USP32: variants seen among roughly 807,000 people sequenced by gnomAD.
The protein encoded by USP32 is ubiquitin carboxyl-terminal hydrolase 32.
A neutral mutation model predicts 204.8 loss-of-function variants in USP32; 59 were observed. The ratio of observed to expected loss-of-function variants is 0.29; its 90% CI spans 0.23 to 0.36. The LOEUF (loss-of-function observed/expected upper bound fraction) is 0.36. USP32 is among the 10% of genes least tolerant of loss of function. The pLI is 1.00. For synonymous variants in USP32, 517 were observed against 678.4 expected, an observed-to-expected ratio of 0.76 and a Z score of 3.70; for missense variants, 1,160 against 1,946.4, an observed-to-expected ratio of 0.60 and a Z score of 7.60.
chr17:60,276,950 T>C (rs937505354), intron 5 of USP32, among the ~76,000 whole-genome samples: 4 of 148,638 alleles, frequency 2.7e-5, no homozygotes, highest in Non-Finnish European at 4.4e-5. Context: ...CATATACATA[T>C]ATATATATAT....
chr17:60,371,632 TC>T (rs1334452735), intron 1 of USP32, among the ~76,000 whole-genome samples: 1 of 151,196 alleles, frequency 6.6e-6, no homozygotes, highest in Non-Finnish European at 1.5e-5. Context: ...TAAAGGGTGT[TC>T]AACATCACTT....
chr17:60,355,368 T>A (rs2089043986), intron 1 of USP32, among the ~76,000 whole-genome samples: 1 of 152,178 alleles, frequency 6.6e-6, no homozygotes, highest in South Asian at 2.1e-4. Context: ...CACATGACTT[T>A]TGTATTTTAG....
intron 1 of USP32, among the ~76,000 whole-genome samples, chr17:60,405,405 G>A (rs1406509254): frequency 2.0e-5 from 3 of 151,786 alleles, no homozygotes; most frequent in East Asian, 2.0e-4. Flanking sequence ...GGGTTTCACC[G>A]TGTTGCCCAG....
At chr17:60,215,167 T>C (rs972970424) in intron 16 of USP32, among the ~76,000 whole-genome samples, 1 of 152,152 alleles carries the variant, frequency 6.6e-6, no homozygotes, top group Non-Finnish European at 1.5e-5. Flanking sequence ...GACAGGGTCT[T>C]GGCCATATTG....
intron 1 of USP32, among the ~76,000 whole-genome samples, chr17:60,397,867 T>TAA (rs2089910196): frequency 1.3e-5 from 2 of 152,130 alleles, no homozygotes; most frequent in Non-Finnish European, 2.9e-5. Flanking sequence ...TGAAAACTCT[T>TAA]TTAAGAGTTT....
intron 21 of USP32, among the ~76,000 whole-genome samples, chr17:60,209,998 A>G (rs2084918852): frequency 1.3e-5 from 2 of 151,962 alleles, no homozygotes; most frequent in Non-Finnish European, 2.9e-5. Flanking sequence ...GTATAAAATA[A>G]TATGTGTATA....
intron 10 of USP32, among the ~76,000 whole-genome samples, chr17:60,253,521 TTTGGGAGGCTGAGGCGGGCAGATCAC>T (rs1488480872): frequency 3.9e-5 from 6 of 152,016 alleles, no homozygotes; most frequent in Admixed American, 3.9e-4. Context: ...ATCCTAGCAC[TTTGGGAGGCTGAGGCGGGCAGATCAC>T]TTGAGGTCAG....
intron 29 of USP32, among the ~76,000 whole-genome samples, chr17:60,190,325 G>A (rs2084347552): frequency 1.3e-5 from 2 of 152,222 alleles, no homozygotes; most frequent in South Asian, 4.1e-4. Context: ...CCAGCCTCAC[G>A]TACTCTGTTA....
rs115098783 is a variant in USP32, at chr17:60,373,814, C to T, written c.58+18068G>A. 7.7e-3 allele frequency among the ~76,000 whole-genome samples: 1,170 copies of T among 152,242 alleles called. 17 individuals carry two copies. The highest frequency in any genetic ancestry group is 0.041 in the Middle Eastern group (12 of 294). On this transcript the variant is annotated intron_variant, in intron 1 of 33. Coordinates refer to ENST00000300896, the MANE Select transcript of USP32 (RefSeq NM_032582.4). The stretch of plus-strand genomic sequence containing the variant: ...TAACTTGTTGGCTCTTATAATAACC[C>T]TTACCTTAAAACACATTGTACAGTG...
At chr17:60,205,127 G>A (rs1381741896) in intron 26 of USP32, among the ~76,000 whole-genome samples, 1 of 152,160 alleles carries the variant, frequency 6.6e-6, no homozygotes, top group African/African-American at 2.4e-5. Context: ...GTAGTACTCA[G>A]ATGCACTGAC....
Position 60,345,503 on chromosome 17 carries a change from C to T in USP32, c.164G>A (p.Gly55Glu). The T allele has an allele frequency of 6.2e-7, 1 of 1,614,200 alleles. No homozygotes were observed. Among genetic ancestry groups the T allele is most frequent in the East Asian group, 2.2e-5 (1 of 44,884 alleles). The change falls in exon 2 of 34, where the codon GGA becomes GAA. Residue 55 changes from glycine (G) to glutamate (E), a missense_variant. By Grantham distance (98) the Gly-to-Glu change is moderately conservative. Around this residue, in one of 8 missense-constraint regions of USP32, gnomAD observed 536 missense variants for 680.9 expected, o/e 0.79. Transcript: ENST00000300896. ...TACCTCAGCAACCTTTGGAGGCACTCCATCCCCAAGCACTTCCCGGATGAA... is the reference window on the plus strand; with the variant it reads ...TACCTCAGCAACCTTTGGAGGCACTTCATCCCCAAGCACTTCCCGGATGAA... Reference protein sequence around the residue: ...HCFIREVLGDGVPPKVAEVIY... With the variant: ...HCFIREVLGDEVPPKVAEVIY...
At chr17:60,265,265 T>C (rs1242451913) in intron 9 of USP32, 147 bp downstream of exon 9, 4 of 489,854 alleles carry the variant, frequency 8.2e-6, no homozygotes, top group Non-Finnish European at 7.2e-6. Flanking sequence ...TCTTTGGAGA[T>C]AACTTGGAGG....
intron 12 of USP32, among the ~76,000 whole-genome samples, chr17:60,227,311 CCAGGCTAGAGTGCAGT>C (rs1232434451): frequency 1.3e-5 from 2 of 149,440 alleles, no homozygotes; most frequent in Non-Finnish European, 3.0e-5. Context: ...ACTCTGTCAC[CCAGGCTAGAGTGCAGT>C]GGCGTGATCT....
At chr17:60,197,252 T>G (rs1205710509) in intron 27 of USP32, among the ~76,000 whole-genome samples, 2 of 151,810 alleles carry the variant, frequency 1.3e-5, no homozygotes, top group African/African-American at 4.8e-5. Context: ...AACAAATAAG[T>G]AAAGAACTTT....
At chr17:60,260,579 G>A (rs920011956) in intron 9 of USP32, among the ~76,000 whole-genome samples, 4 of 150,940 alleles carry the variant, frequency 2.7e-5, no homozygotes, top group Non-Finnish European at 4.4e-5. Context: ...ACTATGCAGA[G>A]GATAAAAAGA....
chr17:60,191,646 A>G (rs1220988478), intron 28 of USP32, among the ~76,000 whole-genome samples: 8 of 151,430 alleles, frequency 5.3e-5, no homozygotes, highest in African/African-American at 1.9e-4. Flanking sequence ...AGTAGCTGGG[A>G]CTACAGGTGC....
intron 11 of USP32, among the ~76,000 whole-genome samples, chr17:60,250,485 G>C (rs2086138791): frequency 6.6e-6 from 1 of 151,916 alleles, no homozygotes; most frequent in Non-Finnish European, 1.5e-5. Flanking sequence ...AGTCACTATA[G>C]CCACATAAAA....
intron 1 of USP32, among the ~76,000 whole-genome samples, chr17:60,403,800 G>A (rs768933073): frequency 2.6e-5 from 4 of 152,154 alleles, no homozygotes; most frequent in Non-Finnish European, 4.4e-5. Context: ...AGCACTTTGG[G>A]AGGCCAAGGC....
chr17:60,282,702 C>A (rs539830270), intron 5 of USP32, among the ~76,000 whole-genome samples: 2 of 152,300 alleles, frequency 1.3e-5, no homozygotes, highest in East Asian at 1.9e-4. Context: ...AGTTGTTAAA[C>A]CTTATTTAAA....
Sources: gnomAD v4.1 joint callset for allele counts (sites outside exome capture counted in the v4.1 genomes callset) on GRCh38, gnomAD v4.1.1 for gene constraint, gnomAD v4.1.1 regional missense constraint, MANE v1.5 for transcripts, NCBI Gene and HGNC (gene_info 2026-07-23, HGNC 2026-07-21) for gene names.